The following WWC2 variants were observed in gnomAD, a reference collection of about 807,000 sequenced individuals.
The protein encoded by WWC2 is protein WWC2.
Under a neutral mutation model 138.5 loss-of-function variants are expected in WWC2, and 101 were observed. The observed-to-expected ratio is 0.73, with a 90% CI of 0.62 to 0.86. The LOEUF is 0.86. WWC2 is among the 40% of genes least tolerant of loss of function. The pLI is 0.00. For synonymous variants in WWC2, 558 were observed against 538.4 expected, an observed-to-expected ratio of 1.04 and a Z score of -0.50; for missense variants, 1,420 against 1,419.4, an observed-to-expected ratio of 1.00 and a Z score of -0.01.
intron 1 of WWC2, among the ~76,000 whole-genome samples, chr4:183,114,749 CG>C (rs1421934302): frequency 6.6e-6 from 1 of 150,878 alleles, no homozygotes; most frequent in African/African-American, 2.4e-5. Context: ...TAGTGTGTTG[CG>C]GGGGTTTGGT....
chr4:183,310,764 CA>C (rs1739186130), intron 21 of WWC2, among the ~76,000 whole-genome samples: 1 of 149,010 alleles, frequency 6.7e-6, no homozygotes, highest in South Asian at 2.1e-4. Flanking sequence ...CTTGGCCTCC[CA>C]GCCTGGACTT....
chr4:183,148,850 G>T (rs2111111523), intron 1 of WWC2, among the ~76,000 whole-genome samples: 1 of 151,472 alleles, frequency 6.6e-6, no homozygotes, highest in East Asian at 2.0e-4. Flanking sequence ...GACCCAGCCG[G>T]GCACAGTAGC....
At chr4:183,262,775 T>TGTGC (rs533691294) in intron 11 of WWC2, among the ~76,000 whole-genome samples, 29 of 152,158 alleles carry the variant, frequency 1.9e-4, no homozygotes, top group East Asian at 1.5e-3. Context: ...GTACGGTGTG[T>TGTGC]GTGCGTGCGT....
rs1170743197 is a variant in WWC2, at chr4:183,207,940, C to G, written c.242-13C>G. On this transcript the variant is annotated splice_polypyrimidine_tract_variant and intron_variant, in intron 2 of 22. Coordinates refer to ENST00000403733, the MANE Select transcript of WWC2 (RefSeq NM_024949.6). ...TTAAATTCTAAAAAGTACCCTCCACCTAATGTTTTCAGAAACCACGCAGAT... is the reference window on the plus strand; with the variant it reads ...TTAAATTCTAAAAAGTACCCTCCACGTAATGTTTTCAGAAACCACGCAGAT... 6.3e-7 allele frequency: 1 copy of G among 1,597,948 alleles called. No individual in the cohort carries two copies. Among genetic ancestry groups the G allele is most frequent in the East Asian group, 2.2e-5 (1 of 44,574 alleles).
intron 1 of WWC2, among the ~76,000 whole-genome samples, chr4:183,184,746 T>C (rs1734742336): frequency 6.6e-6 from 1 of 152,178 alleles, no homozygotes; most frequent in Non-Finnish European, 1.5e-5. Flanking sequence ...TGATGTTGAG[T>C]ACTGTTACTA....
chr4:183,283,028 C>G (rs1239035632), intron 18 of WWC2, 122 bp downstream of exon 18: 49 of 1,001,346 alleles, frequency 4.9e-5, no homozygotes, highest in Non-Finnish European at 6.4e-5. Flanking sequence ...AAAAGCTGAT[C>G]GTGAAAGGCA....
intron 4 of WWC2, among the ~76,000 whole-genome samples, chr4:183,237,298 AT>A (rs112907901): frequency 0.061 from 8,660 of 141,420 alleles, 512 homozygotes; most frequent in African/African-American, 0.17. Flanking sequence ...TTTAGGACTG[AT>A]TTTTTTTTTT....
chr4:183,108,776 A>G (rs1324322097), intron 1 of WWC2, among the ~76,000 whole-genome samples: 1 of 151,984 alleles, frequency 6.6e-6, no homozygotes, highest in African/African-American at 2.4e-5. Flanking sequence ...ACACCCAGCT[A>G]ATTTTTGTAT....
At chr4:183,253,100 C>T (rs1214536503) in intron 8 of WWC2, among the ~76,000 whole-genome samples, 3 of 152,086 alleles carry the variant, frequency 2.0e-5, no homozygotes, top group African/African-American at 4.8e-5. Flanking sequence ...AGGCTGGTCT[C>T]GAACTCATGG....
At chr4:183,162,203 C>A (rs535897436) in intron 1 of WWC2, among the ~76,000 whole-genome samples, 58 of 151,458 alleles carry the variant, frequency 3.8e-4, no homozygotes, top group African/African-American at 1.2e-3. Context: ...TTTTTTTTTA[C>A]AAAGAAACAA....
At chr4:183,145,691 G>C (rs1243073807) in intron 1 of WWC2, among the ~76,000 whole-genome samples, 1 of 152,200 alleles carries the variant, frequency 6.6e-6, no homozygotes, top group African/African-American at 2.4e-5. Flanking sequence ...AAAAACATCA[G>C]TATATAAGCA....
At chr4:183,114,646 ATTTG>A (rs1732352200) in intron 1 of WWC2, among the ~76,000 whole-genome samples, 1 of 149,550 alleles carries the variant, frequency 6.7e-6, no homozygotes, top group African/African-American at 2.5e-5. Flanking sequence ...AAGATGGTTT[ATTTG>A]TTTTCACTGG....
intron 15 of WWC2, 119 bp downstream of exon 15, chr4:183,269,282 G>A: frequency 1.1e-6 from 1 of 943,396 alleles, no homozygotes; most frequent in Non-Finnish European, 1.6e-6. Context: ...CCAACATCTT[G>A]GGATACATCT....
intron 21 of WWC2, 39 bp from the exon 22 acceptor site, chr4:183,312,302 T>C: frequency 2.5e-6 from 4 of 1,604,312 alleles, no homozygotes; most frequent in Non-Finnish European, 3.4e-6. Flanking sequence ...TTCTAATCAG[T>C]GTTTTGTGTG....
chr4:183,214,034 C>T (rs1412216744), intron 4 of WWC2, among the ~76,000 whole-genome samples: 1 of 151,760 alleles, frequency 6.6e-6, no homozygotes, highest in East Asian at 1.9e-4. Context: ...ATTGTTAAGC[C>T]TAAATAGAGT....
Position 183,167,981 on chromosome 4 carries a change from G to A in WWC2, c.132-25618G>A, listed in dbSNP as rs373851265. Among the ~76,000 whole-genome samples the A allele has an allele frequency of 5.4e-3, 821 of 150,726 alleles. 6 individuals are homozygous for A. The highest frequency in any genetic ancestry group is 0.019 in the African/African-American group (791 of 41,088). Reference sequence around the variant, plus strand: ...AGCGATTCTCCTGCCTCAGCCTCCCGAGTAGCTGGGACTACAGGCGTGCGC... The same window carrying A: ...AGCGATTCTCCTGCCTCAGCCTCCCAAGTAGCTGGGACTACAGGCGTGCGC... On this transcript the variant is annotated intron_variant, in intron 1 of 22. Coordinates refer to ENST00000403733, the MANE Select transcript of WWC2 (RefSeq NM_024949.6).
intron 7 of WWC2, among the ~76,000 whole-genome samples, chr4:183,249,526 G>A (rs1486934651): frequency 6.6e-6 from 1 of 152,048 alleles, no homozygotes; most frequent in Admixed American, 6.6e-5. Flanking sequence ...TTTATATTTT[G>A]TACAGTTGAA....
chr4:183,112,393 C>T (rs1425442437), intron 1 of WWC2, among the ~76,000 whole-genome samples: 1 of 152,160 alleles, frequency 6.6e-6, no homozygotes, highest in Non-Finnish European at 1.5e-5. Flanking sequence ...GATTGCCTGT[C>T]CCCACAGGGA....
At chr4:183,250,705 C>T (rs184803013) in intron 8 of WWC2, among the ~76,000 whole-genome samples, 1 of 152,202 alleles carries the variant, frequency 6.6e-6, no homozygotes, top group African/African-American at 2.4e-5. Flanking sequence ...TATACTGATA[C>T]ATTTGATTTC....
Sources: gnomAD v4.1 joint callset for allele counts (sites outside exome capture counted in the v4.1 genomes callset) on GRCh38, gnomAD v4.1.1 for gene constraint, MANE v1.5 for transcripts, NCBI Gene and HGNC (gene_info 2026-07-23, HGNC 2026-07-21) for gene names.